Variants in STARD13 observed in about 807,000 individuals in gnomAD.
The protein encoded by STARD13 is StAR related lipid transfer domain containing 13, also known as stAR-related lipid transfer protein 13.
A neutral mutation model predicts 106.4 loss-of-function variants in STARD13; 62 were observed. The ratio of observed to expected loss-of-function variants is 0.58; its 90% CI spans 0.48 to 0.72. The LOEUF is 0.72. Among genes scored for constraint, STARD13 ranks in the 30% least tolerant of loss-of-function variants. The pLI, the probability that STARD13 is intolerant of heterozygous loss-of-function variation, is 0.00. For synonymous variants in STARD13, 565 were observed against 553.0 expected (o/e 1.02, Z -0.31); for missense variants, 1,387 against 1,424.0 (o/e 0.97, Z 0.42).
chr13:33,464,199 A>T, the STARD13 span, among the ~76,000 whole-genome samples: 1 of 151,906 alleles, frequency 6.6e-6, no homozygotes, highest in South Asian at 2.1e-4. Context: ...AAACAAAACT[A>T]GTCATGTGTT....
the STARD13 span, among the ~76,000 whole-genome samples, chr13:33,521,675 T>A: frequency 6.6e-6 from 1 of 152,132 alleles, no homozygotes; most frequent in Non-Finnish European, 1.5e-5. Flanking sequence ...ATTTCTCCTC[T>A]CCACTCTGTG....
intron 1 of STARD13, among the ~76,000 whole-genome samples, chr13:33,240,665 C>T (rs1401259398): frequency 6.6e-6 from 1 of 151,590 alleles, no homozygotes; most frequent in East Asian, 1.9e-4. Flanking sequence ...GTATTTTATC[C>T]TTAAGTATCC....
At chr13:33,179,635 G>T (rs894989766) in intron 1 of STARD13, among the ~76,000 whole-genome samples, 2 of 152,186 alleles carry the variant, frequency 1.3e-5, no homozygotes, top group African/African-American at 4.8e-5. Flanking sequence ...AGGTGCTGAA[G>T]GTGAATGCAA....
At chr13:33,336,843 G>T in intron 1 of STARD13, 1 of 151,630 alleles carries the variant, frequency 6.6e-6, no homozygotes, top group Non-Finnish European at 1.5e-5. Flanking sequence ...CTAAGAACAA[G>T]TGAAAACGCA....
the STARD13 span, among the ~76,000 whole-genome samples, chr13:33,532,241 C>G: frequency 6.6e-6 from 1 of 152,136 alleles, no homozygotes; most frequent in Admixed American, 6.5e-5. Flanking sequence ...CCTTGAGAAT[C>G]TTAATTATGT....
At chr13:33,243,497 T>C (rs974773324) in intron 1 of STARD13, among the ~76,000 whole-genome samples, 9 of 152,152 alleles carry the variant, frequency 5.9e-5, no homozygotes, top group African/African-American at 2.2e-4. Context: ...CTTAAGGAGT[T>C]CAGATTTTAA....
chr13:33,537,531 A>G, the STARD13 span, among the ~76,000 whole-genome samples: 9 of 152,180 alleles, frequency 5.9e-5, no homozygotes, highest in African/African-American at 2.2e-4. Flanking sequence ...CCATGCAGAA[A>G]GTGAGGGGTC....
intron 7 of STARD13, among the ~76,000 whole-genome samples, chr13:33,123,579 A>G (rs1876691797): frequency 6.6e-6 from 1 of 152,264 alleles, no homozygotes; most frequent in African/African-American, 2.4e-5. Context: ...AAGCTCAGAC[A>G]ACAAAGCAAG....
chr13:33,311,909 T>C (rs1057501534), intron 1 of STARD13, among the ~76,000 whole-genome samples: 4 of 152,200 alleles, frequency 2.6e-5, no homozygotes, highest in African/African-American at 9.7e-5. Context: ...AGTTCTATGT[T>C]AAAGCAGGGG....
At chr13:33,585,623 G>A in the STARD13 span, among the ~76,000 whole-genome samples, 21 of 152,314 alleles carry the variant, frequency 1.4e-4, no homozygotes, top group East Asian at 3.7e-3. Context: ...GAGCCAAGGA[G>A]GCAGAGGTTA....
intron 4 of STARD13, among the ~76,000 whole-genome samples, chr13:33,135,909 G>T (rs951526947): frequency 6.6e-6 from 1 of 152,148 alleles, no homozygotes; most frequent in Admixed American, 6.5e-5. Context: ...GATCACCTGA[G>T]ATCAGAAGTT....
intron 1 of STARD13, among the ~76,000 whole-genome samples, chr13:33,349,505 A>G (rs2078050896): frequency 6.6e-6 from 1 of 152,206 alleles, no homozygotes; most frequent in South Asian, 2.1e-4. Flanking sequence ...AGAGGGCTCC[A>G]TGGAGCATGC....
chr13:33,643,009 G>C, the STARD13 span, among the ~76,000 whole-genome samples: 1 of 152,148 alleles, frequency 6.6e-6, no homozygotes, highest in African/African-American at 2.4e-5. Flanking sequence ...AGGCCTGCAA[G>C]AGATGGATCA....
chr13:33,471,823 T>C, the STARD13 span, among the ~76,000 whole-genome samples: 1 of 152,228 alleles, frequency 6.6e-6, no homozygotes, highest in Admixed American at 6.5e-5. Context: ...AGCTGCATTA[T>C]AGATACTTCT....
chr13:33,575,953 A>G, the STARD13 span, among the ~76,000 whole-genome samples: 1 of 152,200 alleles, frequency 6.6e-6, no homozygotes, highest in South Asian at 2.1e-4. Flanking sequence ...TATGTAATGT[A>G]TACAAGCTGC....
intron 1 of STARD13, among the ~76,000 whole-genome samples, chr13:33,335,751 T>C (rs1205686844): frequency 6.6e-6 from 1 of 152,258 alleles, no homozygotes; most frequent in Non-Finnish European, 1.5e-5. Context: ...CGGGGCTGCA[T>C]TGTCACTGAA....
At chr13:33,567,609 G>T in the STARD13 span, among the ~76,000 whole-genome samples, 1 of 145,866 alleles carries the variant, frequency 6.9e-6, no homozygotes, top group African/African-American at 2.5e-5. Context: ...ACAGAAAAAT[G>T]ATAGCATTGG....
chr13:33,395,945 G>T, the STARD13 span, among the ~76,000 whole-genome samples: 1 of 152,120 alleles, frequency 6.6e-6, no homozygotes, highest in African/African-American at 2.4e-5. Flanking sequence ...GTGCTCAAGT[G>T]ATCCTCCTGC....
chr13:33,644,683 T>C, the STARD13 span, among the ~76,000 whole-genome samples: 1 of 152,162 alleles, frequency 6.6e-6, no homozygotes, highest in Non-Finnish European at 1.5e-5. Flanking sequence ...AAGCCTATAA[T>C]TGACAAAACA....
Sources: allele counts gnomAD v4.1 joint callset (sites outside exome capture counted in the v4.1 genomes callset), GRCh38; gene constraint gnomAD v4.1.1; transcripts MANE v1.5; gene names NCBI Gene and HGNC (gene_info 2026-07-23, HGNC 2026-07-21).